DLG2: variants seen among roughly 807,000 people sequenced by gnomAD.
The protein encoded by DLG2 is discs large MAGUK scaffold protein 2.
Under a neutral mutation model 132.5 loss-of-function variants are expected in DLG2, and 45 were observed. That is an observed-to-expected ratio of 0.34 (90% CI 0.27 to 0.44). The LOEUF (loss-of-function observed/expected upper bound fraction) is 0.44. Among genes scored for constraint, DLG2 ranks in the 20% least tolerant of loss-of-function variants. The probability of loss-of-function intolerance (pLI) is 1.00; values close to 1 mark genes in which losing one functional copy is unlikely to be tolerated. For synonymous variants in DLG2, 424 were observed against 419.6 expected, an observed-to-expected ratio of 1.01 and a Z score of -0.13; for missense variants, 1,045 against 1,196.9, an observed-to-expected ratio of 0.87 and a Z score of 1.87.
At chr11:84,927,395 A>G (rs1451033750) in intron 6 of DLG2, among the ~76,000 whole-genome samples, 1 of 152,000 alleles carries the variant, frequency 6.6e-6, no homozygotes, top group Admixed American at 6.6e-5. Flanking sequence ...AGATTGTACT[A>G]CAGGCCAATT....
At chr11:84,514,089 C>T (rs1027996056) in intron 7 of DLG2, among the ~76,000 whole-genome samples, 3 of 151,970 alleles carry the variant, frequency 2.0e-5, no homozygotes, top group Non-Finnish European at 2.9e-5. Flanking sequence ...CCTATGGAAA[C>T]GTGCTCAACA....
intron 8 of DLG2, among the ~76,000 whole-genome samples, chr11:84,167,538 T>A (rs1596486047): frequency 6.6e-6 from 1 of 152,210 alleles, no homozygotes; most frequent in Non-Finnish European, 1.5e-5. Context: ...ACATAACAAA[T>A]GTGAACTATC....
In DLG2 at chr11:84,314,474, C is replaced by T. The variant is rs116114768; in HGVS notation, c.520-63183G>A. The stretch of plus-strand genomic sequence containing the variant: ...GTAAGTGTATAGTACTAACACATCT[C>T]TATATAATTTAGATATTAGATGTAT... On this transcript the variant is annotated intron_variant, in intron 7 of 27. Transcript: ENST00000376104. Among the ~76,000 whole-genome samples the T allele has an allele frequency of 1.3e-3, 198 of 152,060 alleles. 1 individual carries two copies. Among genetic ancestry groups the T allele is most frequent in the African/African-American group, 4.7e-3 (194 of 41,478 alleles).
At chr11:84,246,293 C>G (rs1414148804) in intron 8 of DLG2, among the ~76,000 whole-genome samples, 1 of 152,248 alleles carries the variant, frequency 6.6e-6, no homozygotes, top group Non-Finnish European at 1.5e-5. Flanking sequence ...CCCACTCCAT[C>G]TCTTCCAGGA....
At chr11:83,804,155 A>G (rs1463343308) in intron 17 of DLG2, among the ~76,000 whole-genome samples, 1 of 152,064 alleles carries the variant, frequency 6.6e-6, no homozygotes, top group Non-Finnish European at 1.5e-5. Context: ...CCTCTTCCCA[A>G]TTACTTTCAT....
intron 18 of DLG2, among the ~76,000 whole-genome samples, chr11:83,743,449 T>TTTTTTTTTTTTA (rs1555372680): frequency 4.8e-5 from 6 of 124,104 alleles, no homozygotes; most frequent in East Asian, 2.2e-4. Flanking sequence ...TTTTTTTTTT[T>TTTTTTTTTTTTA]ATGACAGGGT....
intron 6 of DLG2, among the ~76,000 whole-genome samples, chr11:85,000,046 G>C (rs923838829): frequency 6.6e-6 from 1 of 151,914 alleles, no homozygotes; most frequent in Non-Finnish European, 1.5e-5. Context: ...TGAGCATTAT[G>C]TCTCTTATCT....
chr11:83,786,900 C>T (rs569843010), intron 17 of DLG2, 108 bp from the exon 18 acceptor site: 75 of 785,110 alleles, frequency 9.6e-5, no homozygotes, highest in Non-Finnish European at 1.5e-4. Context: ...TCACATGCCT[C>T]AGAAACCCCT....
chr11:84,636,411 C>T (rs182987028), intron 6 of DLG2, among the ~76,000 whole-genome samples: 12 of 152,266 alleles, frequency 7.9e-5, no homozygotes, highest in Non-Finnish European at 1.6e-4. Context: ...ACCAGCTGTG[C>T]CTCCTTGGCC....
chr11:85,541,409 G>A (rs998226802), intron 3 of DLG2, among the ~76,000 whole-genome samples: 1 of 151,424 alleles, frequency 6.6e-6, no homozygotes, highest in African/African-American at 2.4e-5. Context: ...AACTTTACAG[G>A]TGAGGAAACT....
At chr11:84,058,094 C>T (rs908009925) in intron 11 of DLG2, among the ~76,000 whole-genome samples, 1 of 151,902 alleles carries the variant, frequency 6.6e-6, no homozygotes, top group African/African-American at 2.4e-5. Flanking sequence ...TAAACTCAGT[C>T]CTGAGATCTT....
intron 3 of DLG2, among the ~76,000 whole-genome samples, chr11:85,432,144 A>G (rs1291771349): frequency 6.6e-6 from 1 of 152,220 alleles, no homozygotes; most frequent in Non-Finnish European, 1.5e-5. Context: ...CAATGATAAA[A>G]GTCCCCCAAA....
chr11:84,206,401 C>T (rs2096666009), intron 8 of DLG2, among the ~76,000 whole-genome samples: 1 of 151,920 alleles, frequency 6.6e-6, no homozygotes, highest in Non-Finnish European at 1.5e-5. Context: ...TTTTTGAGGC[C>T]AGGGTTAGTC....
In DLG2 at chr11:84,801,549, A is replaced by C. The variant is rs188274343; in HGVS notation, c.358-266818T>G. ...GCACTCCACCCTGGGAGACAGAGTG[A>C]GACTCCGTCTAAAAAATAATTGCTT... On this transcript the variant is annotated intron_variant, in intron 6 of 27. Transcript: ENST00000376104. Among the ~76,000 whole-genome samples, 506 of 152,320 alleles carry C rather than the reference A, an allele frequency of 3.3e-3. 3 individuals are homozygous for C. The highest frequency in any genetic ancestry group is 5.7e-3 in the Non-Finnish European group (387 of 68,026).
intron 19 of DLG2, among the ~76,000 whole-genome samples, chr11:83,610,877 C>G (rs1012345842): frequency 6.6e-6 from 1 of 152,086 alleles, no homozygotes; most frequent in African/African-American, 2.4e-5. Flanking sequence ...GATCACACAA[C>G]CGGTAAACAG....
At chr11:85,195,697 T>C (rs1359939776) in intron 4 of DLG2, among the ~76,000 whole-genome samples, 6 of 151,900 alleles carry the variant, frequency 3.9e-5, no homozygotes, top group Non-Finnish European at 8.8e-5. Context: ...CTAATTTTTT[T>C]TTGTATTTTT....
intron 3 of DLG2, among the ~76,000 whole-genome samples, chr11:85,449,638 T>G (rs1460688315): frequency 6.6e-6 from 1 of 152,208 alleles, no homozygotes; most frequent in Non-Finnish European, 1.5e-5. Flanking sequence ...TTATTTCTCA[T>G]GTATTTTGTA....
chr11:84,597,859 AAATCCATTT>A (rs2099567250), intron 6 of DLG2, among the ~76,000 whole-genome samples: 1 of 152,154 alleles, frequency 6.6e-6, no homozygotes, highest in Admixed American at 6.5e-5. Flanking sequence ...AACAACAACA[AAATCCATTT>A]AATGTAATCA....
chr11:84,307,531 C>T (rs1213045924), intron 7 of DLG2, among the ~76,000 whole-genome samples: 7 of 151,938 alleles, frequency 4.6e-5, no homozygotes, highest in Non-Finnish European at 1.0e-4. Context: ...CCTGTCTCTA[C>T]TAAAACTACA....
Sources: allele counts gnomAD v4.1 joint callset (sites outside exome capture counted in the v4.1 genomes callset), GRCh38; gene constraint gnomAD v4.1.1; transcripts MANE v1.5; gene names NCBI Gene and HGNC (gene_info 2026-07-23, HGNC 2026-07-21).